ARID2: variants seen among roughly 807,000 people sequenced by gnomAD.
ARID2 encodes AT-rich interactive domain-containing protein 2.
ARID2 carries 32 observed loss-of-function variants against 184.6 expected under a neutral mutation model. That is an observed-to-expected ratio of 0.17 (90% CI 0.13 to 0.23). The LOEUF is 0.23. Ranked by LOEUF, ARID2 falls within the 10% of genes least tolerant of loss-of-function variation. The pLI, the probability that ARID2 is intolerant of heterozygous loss-of-function variation, is 1.00. For missense variants in ARID2, 1,696 were observed against 2,197.6 expected (o/e 0.77, Z 4.56); for synonymous variants, 836 against 772.6 (o/e 1.08, Z -1.36).
chr12:45,893,312 C>T (rs1334214250), intron 18 of ARID2, 108 bp from the exon 19 acceptor site: 6 of 1,341,444 alleles, frequency 4.5e-6, no homozygotes, highest in Middle Eastern at 1.9e-4. Flanking sequence ...CCTGTAAACA[C>T]GATTTTAAAA....
At chr12:45,804,487 T>C (rs1942563757) in intron 3 of ARID2, among the ~76,000 whole-genome samples, 1 of 151,760 alleles carries the variant, frequency 6.6e-6, no homozygotes, top group Admixed American at 6.6e-5. Flanking sequence ...TGCGTGTGTG[T>C]GCGTGTGTGT....
At chr12:45,803,511 T>C (rs1262858992) in intron 3 of ARID2, among the ~76,000 whole-genome samples, 1 of 152,214 alleles carries the variant, frequency 6.6e-6, no homozygotes, top group Non-Finnish European at 1.5e-5. Flanking sequence ...TTCTGGATAC[T>C]TAGTTGTAAG....
At chr12:45,755,605 G>A (rs1941553479) in intron 3 of ARID2, among the ~76,000 whole-genome samples, 1 of 152,164 alleles carries the variant, frequency 6.6e-6, no homozygotes, top group East Asian at 1.9e-4. Flanking sequence ...TTTTATTTGA[G>A]TGTAGGTCCA....
At chr12:45,754,649 A>T (rs1941528908) in intron 3 of ARID2, among the ~76,000 whole-genome samples, 1 of 152,232 alleles carries the variant, frequency 6.6e-6, no homozygotes, top group South Asian at 2.1e-4. Flanking sequence ...AGCAGCTTGA[A>T]GTAGATCCTT....
chr12:45,734,197 C>T (rs1250706029), intron 3 of ARID2, among the ~76,000 whole-genome samples: 1 of 151,910 alleles, frequency 6.6e-6, no homozygotes, highest in Non-Finnish European at 1.5e-5. Flanking sequence ...GGTGAAACCC[C>T]GTGTCTACCA....
chr12:45,839,780 C>G, intron 11 of ARID2: 1 of 265,320 alleles, frequency 3.8e-6, no homozygotes, highest in Non-Finnish European at 7.1e-6. Context: ...TATAAGTGCC[C>G]CAATAGGCAT....
intron 3 of ARID2, among the ~76,000 whole-genome samples, chr12:45,796,852 T>C (rs1942400998): frequency 6.6e-6 from 1 of 152,238 alleles, no homozygotes; most frequent in Non-Finnish European, 1.5e-5. Context: ...GAAAGATCTC[T>C]GAGATCAAAT....
At chr12:45,841,543 T>A (rs1277791375) in intron 11 of ARID2, 1 of 152,260 alleles carries the variant, frequency 6.6e-6, no homozygotes, top group Admixed American at 6.5e-5. Flanking sequence ...TTACCATCTT[T>A]AAACTTTTTG....
intron 3 of ARID2, among the ~76,000 whole-genome samples, chr12:45,787,004 C>T (rs971838124): frequency 1.2e-4 from 18 of 151,974 alleles, no homozygotes; most frequent in African/African-American, 3.9e-4. Context: ...GGGGAGATGT[C>T]GGTCAAAGGT....
At chr12:45,739,473 C>T (rs1232704144) in intron 3 of ARID2, among the ~76,000 whole-genome samples, 1 of 106,000 alleles carries the variant, frequency 9.4e-6, no homozygotes, top group Non-Finnish European at 1.7e-5. Flanking sequence ...GAGACAGCGT[C>T]TGGCTCTGTC....
chr12:45,836,791 A>C lies in ARID2; in HGVS notation c.823A>C (p.Lys275Gln). Residue 275 changes from lysine (K) to glutamine (Q), a missense_variant, in exon 8 of 21, where the codon AAG (lysine) becomes CAG (glutamine). By Grantham distance (53) the Lys-to-Gln change is moderately conservative. Coordinates refer to ENST00000334344, the MANE Select transcript of ARID2 (RefSeq NM_152641.4). ...GGAGTCTTTATTTCATCCACCTCGA[A>C]AGCTGGGCATTAACGATATTGAAGG... ...IWESLFHPPRKLGINDIEGQR... is the reference protein window; with the variant it reads ...IWESLFHPPRQLGINDIEGQR... 6.2e-7 allele frequency: 1 copy of C among 1,614,092 alleles called. No homozygotes were observed. Among genetic ancestry groups the C allele is most frequent in the South Asian group, 1.1e-5 (1 of 91,074 alleles).
chr12:45,766,431 G>T (rs1472758924), intron 3 of ARID2, among the ~76,000 whole-genome samples: 1 of 152,090 alleles, frequency 6.6e-6, no homozygotes, highest in Non-Finnish European at 1.5e-5. Context: ...GCCTCCCAAA[G>T]TGTTGGGATT....
At chr12:45,861,530 A>C (rs868566700) in intron 16 of ARID2, among the ~76,000 whole-genome samples, 1 of 150,832 alleles carries the variant, frequency 6.6e-6, no homozygotes, top group African/African-American at 2.4e-5. Context: ...CTTAGGTAAG[A>C]CCTTTTGCCT....
intron 6 of ARID2, among the ~76,000 whole-genome samples, chr12:45,835,783 C>T (rs1489814594): frequency 6.6e-6 from 1 of 151,988 alleles, no homozygotes; most frequent in Non-Finnish European, 1.5e-5. Flanking sequence ...GCCTATAATT[C>T]CAGCTACTCG....
rs1326292220 is a variant in ARID2 at position 45,849,638 on chromosome 12, G to A, written c.1774G>A (p.Ala592Thr). 6.2e-7 allele frequency: 1 copy of A among 1,613,676 alleles called. No individual in the cohort carries two copies. The highest frequency in any genetic ancestry group is 1.7e-5 in the Admixed American group (1 of 60,002). ...GGAGGATTCCAGTAGCAATGGGCAG[G>A]CACATATTCATGTGGTAGGAGTAAA... ...RVEDSSSNGQ[A>T]HIHVVGVKRR... Residue 592 changes from alanine (A) to threonine (T), a missense_variant, in exon 14 of 21, where the codon GCA becomes ACA. Ala to Thr is a moderately conservative substitution (Grantham distance 58). Around this residue, in one of 11 missense-constraint regions of ARID2, gnomAD observed 713 missense variants for 824.4 expected, o/e 0.86. Transcript: ENST00000334344.
chr12:45,870,720 T>C (rs1943914280), intron 16 of ARID2, among the ~76,000 whole-genome samples: 1 of 152,226 alleles, frequency 6.6e-6, no homozygotes, highest in South Asian at 2.1e-4. Context: ...CAGTATCCTT[T>C]TTAATCTGGT....
chr12:45,820,213 C>T (rs377638121), intron 5 of ARID2, among the ~76,000 whole-genome samples: 3 of 152,136 alleles, frequency 2.0e-5, no homozygotes, highest in South Asian at 4.1e-4. Context: ...AAAACATTTA[C>T]ATCTGTTCTT....
At chr12:45,826,981 A>G (rs1007305018) in intron 6 of ARID2, among the ~76,000 whole-genome samples, 1 of 152,040 alleles carries the variant, frequency 6.6e-6, no homozygotes, top group African/African-American at 2.4e-5. Context: ...TACTTCATTC[A>G]TATTACACAT....
At chr12:45,796,479 TTGAA>T (rs1182217264) in intron 3 of ARID2, among the ~76,000 whole-genome samples, 2 of 151,902 alleles carry the variant, frequency 1.3e-5, no homozygotes, top group Non-Finnish European at 2.9e-5. Flanking sequence ...AACGATGTCT[TTGAA>T]TGAATCTGTG....
Sources: allele counts gnomAD v4.1 joint callset (sites outside exome capture counted in the v4.1 genomes callset), GRCh38; gene constraint gnomAD v4.1.1; regional missense constraint gnomAD v4.1.1; transcripts MANE v1.5; gene names NCBI Gene and HGNC (gene_info 2026-07-23, HGNC 2026-07-21).